HS3ST4: variants seen among roughly 807,000 people sequenced by gnomAD.
HS3ST4 encodes heparan sulfate-glucosamine 3-sulfotransferase 4, also known as heparan sulfate glucosamine 3-O-sulfotransferase 4.
A neutral mutation model predicts 29.2 loss-of-function variants in HS3ST4; 17 were observed. The ratio of observed to expected loss-of-function variants is 0.58; its 90% CI spans 0.40 to 0.87. HS3ST4 has a LOEUF of 0.87. Among genes scored for constraint, HS3ST4 ranks in the 40% least tolerant of loss-of-function variants. HS3ST4 has a pLI of 0.00. For synonymous variants in HS3ST4, 314 were observed against 285.7 expected (o/e 1.10, Z -1.00); for missense variants, 627 against 634.5 (o/e 0.99, Z 0.13).
intron 1 of HS3ST4, among the ~76,000 whole-genome samples, chr16:25,806,031 T>C (rs890938514): frequency 1.3e-5 from 2 of 152,220 alleles, no homozygotes; most frequent in African/African-American, 2.4e-5. Context: ...GCATAGGACA[T>C]TATTTCATTC....
At chr16:26,068,219 C>T (rs1898563071) in intron 1 of HS3ST4, among the ~76,000 whole-genome samples, 1 of 152,152 alleles carries the variant, frequency 6.6e-6, no homozygotes, top group South Asian at 2.1e-4. Context: ...TGGGGATAGA[C>T]ATTATTCTAA....
Position 25,867,441 on chromosome 16 carries a change from A to G in HS3ST4, c.734+174290A>G, listed in dbSNP as rs1967707509. On this transcript the variant is annotated intron_variant, in intron 1 of 1. Coordinates refer to ENST00000331351, the MANE Select transcript of HS3ST4 (RefSeq NM_006040.3). ...CCTAAGAGGAGGGACTGCTGTCCCT[A>G]GAGTGGTCCATGTGCGGCTTTAGAA... 2.0e-5 allele frequency among the ~76,000 whole-genome samples: 3 copies of G among 152,166 alleles called. No homozygotes were observed. In the South Asian group the frequency reaches 6.2e-4, roughly 32 times the overall value.
intron 1 of HS3ST4, among the ~76,000 whole-genome samples, chr16:26,030,337 T>C (rs574303624): frequency 1.7e-4 from 26 of 152,294 alleles, no homozygotes; most frequent in African/African-American, 6.3e-4. Flanking sequence ...GCTCAGAAGT[T>C]AGAGGCTGCA....
At chr16:26,056,074 G>C (rs979050866) in intron 1 of HS3ST4, among the ~76,000 whole-genome samples, 6 of 115,496 alleles carry the variant, frequency 5.2e-5, no homozygotes, top group Non-Finnish European at 1.1e-4. Context: ...GAGAGAGAGA[G>C]AGAGAAGAAT....
intron 1 of HS3ST4, among the ~76,000 whole-genome samples, chr16:25,818,264 T>C (rs1246545997): frequency 6.6e-6 from 1 of 152,046 alleles, no homozygotes; most frequent in Non-Finnish European, 1.5e-5. Flanking sequence ...GAGAGTGAAG[T>C]TCTCATAAAC....
chr16:25,830,008 A>G (rs1967277031), intron 1 of HS3ST4, among the ~76,000 whole-genome samples: 1 of 151,906 alleles, frequency 6.6e-6, no homozygotes, highest in Non-Finnish European at 1.5e-5. Flanking sequence ...GATTTTAAGT[A>G]GAGACGTGGT....
At chr16:25,900,210 A>G (rs932737212) in intron 1 of HS3ST4, among the ~76,000 whole-genome samples, 1 of 152,158 alleles carries the variant, frequency 6.6e-6, no homozygotes, top group African/African-American at 2.4e-5. Context: ...GTTACCTACA[A>G]AACAGCTTAT....
intron 1 of HS3ST4, among the ~76,000 whole-genome samples, chr16:25,955,318 G>A (rs1968720670): frequency 6.6e-6 from 1 of 152,160 alleles, no homozygotes; most frequent in African/African-American, 2.4e-5. Context: ...GACAGCCTCT[G>A]CATAATGTCC....
chr16:25,712,512 C>A (rs188878577), intron 1 of HS3ST4, among the ~76,000 whole-genome samples: 1 of 151,920 alleles, frequency 6.6e-6, no homozygotes, highest in African/African-American at 2.4e-5. Flanking sequence ...CAGAGTGAGA[C>A]CCTGTATCTA....
chr16:26,043,050 T>G (rs1043454829), intron 1 of HS3ST4, among the ~76,000 whole-genome samples: 1 of 152,200 alleles, frequency 6.6e-6, no homozygotes, highest in African/African-American at 2.4e-5. Flanking sequence ...GCTATTCTTC[T>G]TCTAAAGCAC....
chr16:25,991,634 A>G (rs1969114356), intron 1 of HS3ST4, among the ~76,000 whole-genome samples: 3 of 152,232 alleles, frequency 2.0e-5, no homozygotes, highest in Non-Finnish European at 1.5e-5. Context: ...AGTGGGCACT[A>G]GGAATGTGCT....
At chr16:26,116,965 TTCTG>T (rs1899209755) in intron 1 of HS3ST4, among the ~76,000 whole-genome samples, 1 of 152,200 alleles carries the variant, frequency 6.6e-6, no homozygotes. Context: ...TCTGAAACAC[TTCTG>T]GTCCCAAGCA....
chr16:26,071,913 C>T (rs1026457976), intron 1 of HS3ST4, among the ~76,000 whole-genome samples: 5 of 152,168 alleles, frequency 3.3e-5, no homozygotes, highest in African/African-American at 7.2e-5. Flanking sequence ...GGAACACTCA[C>T]GAGGGGTCTC....
At chr16:26,079,231 A>G (rs1056545411) in intron 1 of HS3ST4, among the ~76,000 whole-genome samples, 1 of 152,262 alleles carries the variant, frequency 6.6e-6, no homozygotes, top group African/African-American at 2.4e-5. Context: ...GATAAACGAC[A>G]GCTGTGACTG....
chr16:26,088,062 GCTT>G (rs1297353989), intron 1 of HS3ST4, among the ~76,000 whole-genome samples: 1 of 152,060 alleles, frequency 6.6e-6, no homozygotes, highest in African/African-American at 2.4e-5. Context: ...AATGAGTGTG[GCTT>G]CTTCTGAGGT....
chr16:25,808,737 G>A (rs1225739174), intron 1 of HS3ST4, among the ~76,000 whole-genome samples: 1 of 152,136 alleles, frequency 6.6e-6, no homozygotes, highest in Non-Finnish European at 1.5e-5. Context: ...GAGTCTTCCA[G>A]TTCCTGAACA....
At chr16:26,065,691 C>T (rs1217309976) in intron 1 of HS3ST4, among the ~76,000 whole-genome samples, 2 of 152,084 alleles carry the variant, frequency 1.3e-5, no homozygotes, top group African/African-American at 4.8e-5. Context: ...GCATAGACTA[C>T]ACCACAAAGT....
At chr16:25,839,629 G>A (rs1256491402) in intron 1 of HS3ST4, among the ~76,000 whole-genome samples, 1 of 152,156 alleles carries the variant, frequency 6.6e-6, no homozygotes, top group Non-Finnish European at 1.5e-5. Flanking sequence ...AGGGCTTTGT[G>A]TTATATTCTA....
chr16:26,061,094 C>T (rs117959471), intron 1 of HS3ST4, among the ~76,000 whole-genome samples: 2,784 of 152,308 alleles, frequency 0.018, 34 homozygotes, highest in Non-Finnish European at 0.031. Context: ...CATGGCAAAA[C>T]GCACACACAT....
Sources: allele counts gnomAD v4.1 joint callset (sites outside exome capture counted in the v4.1 genomes callset), GRCh38; gene constraint gnomAD v4.1.1; transcripts MANE v1.5; gene names NCBI Gene and HGNC (gene_info 2026-07-23, HGNC 2026-07-21).